NTN1: variants seen among roughly 807,000 people sequenced by gnomAD.
NTN1 encodes netrin-1.
NTN1 carries 11 observed loss-of-function variants against 54.2 expected under a neutral mutation model. The observed-to-expected ratio is 0.20, with a 90% confidence interval of 0.13 to 0.34. The LOEUF (loss-of-function observed/expected upper bound fraction) is 0.34, where lower values mean the gene tolerates loss of function less well. NTN1 is among the 10% of genes least tolerant of loss of function. NTN1 has a pLI of 1.00. For missense variants in NTN1, 740 were observed against 893.1 expected (o/e 0.83, Z 2.18); for synonymous variants, 371 against 382.0 (o/e 0.97, Z 0.33).
chr17:9,054,447 C>G (rs879851186), intron 2 of NTN1, among the ~76,000 whole-genome samples: 3 of 152,072 alleles, frequency 2.0e-5, no homozygotes, highest in Admixed American at 2.0e-4. Context: ...GAATGGAAGG[C>G]GGGGCAGCGA....
intron 2 of NTN1, among the ~76,000 whole-genome samples, chr17:9,115,057 C>T (rs529269940): frequency 5.4e-4 from 81 of 150,402 alleles, no homozygotes; most frequent in Non-Finnish European, 9.7e-4. Context: ...GATGCTGGGG[C>T]GCCAGGCCGG....
At chr17:9,195,998 C>A (rs952650065) in intron 5 of NTN1, among the ~76,000 whole-genome samples, 1 of 152,158 alleles carries the variant, frequency 6.6e-6, no homozygotes, top group Non-Finnish European at 1.5e-5. Flanking sequence ...CCAGTCTTCT[C>A]GGTGAAATGA....
At chr17:9,037,227 A>G (rs1199996463) in intron 2 of NTN1, among the ~76,000 whole-genome samples, 1 of 152,158 alleles carries the variant, frequency 6.6e-6, no homozygotes, top group Non-Finnish European at 1.5e-5. Context: ...TCTCTTCAAT[A>G]TCTGGTTTCT....
chr17:9,227,494 C>G (rs1015891822), intron 6 of NTN1, among the ~76,000 whole-genome samples: 1 of 148,200 alleles, frequency 6.7e-6, no homozygotes, highest in Non-Finnish European at 1.5e-5. Flanking sequence ...CACACACATG[C>G]ACATACACAC....
chr17:9,239,796 A>C lies in NTN1; in HGVS notation c.1643A>C (p.Lys548Thr), dbSNP rs1316054908. The C allele has an allele frequency of 6.2e-7, 1 of 1,613,772 alleles. No homozygotes were observed. The highest frequency in any genetic ancestry group is 8.5e-7 in the Non-Finnish European group (1 of 1,180,022). ...RSRDIACKCP[K>T]IKPLKKYLLL... ...CGGGACATCGCCTGCAAGTGTCCCA[A>C]AATCAAGCCCCTCAAGAAGTACCTG... Residue 548 changes from lysine (K) to threonine (T), a missense_variant, in exon 7 of 7, where the codon AAA (lysine) becomes ACA (threonine). Coordinates refer to ENST00000173229, the MANE Select transcript of NTN1 (RefSeq NM_004822.3). This position sits in a 1 kb window ranked among gnomAD's most constrained non-coding sequence, Gnocchi z 5.2.
intron 2 of NTN1, among the ~76,000 whole-genome samples, chr17:9,150,063 A>G (rs911828266): frequency 4.7e-4 from 72 of 152,262 alleles, no homozygotes; most frequent in African/African-American, 1.4e-3. Flanking sequence ...TTAGCTCAGC[A>G]TGGTGGCGGG....
intron 2 of NTN1, among the ~76,000 whole-genome samples, chr17:9,114,463 A>G (rs2142255439): frequency 6.6e-6 from 1 of 151,826 alleles, no homozygotes; most frequent in Non-Finnish European, 1.5e-5. Flanking sequence ...AAAAAAAGAT[A>G]AACATGGAGG....
At chr17:9,191,177 G>A (rs1349810127) in intron 5 of NTN1, among the ~76,000 whole-genome samples, 3 of 152,046 alleles carry the variant, frequency 2.0e-5, no homozygotes, top group Non-Finnish European at 2.9e-5. Context: ...AATAATAAGC[G>A]GAGCCGGGCG....
chr17:9,158,586 G>A, intron 2 of NTN1, among the ~76,000 whole-genome samples: 1 of 152,208 alleles, frequency 6.6e-6, no homozygotes, highest in East Asian at 1.9e-4. Flanking sequence ...CTTTTCCTCT[G>A]AGCCAGTGGA....
chr17:9,170,893 C>T (rs2092385585), intron 3 of NTN1, among the ~76,000 whole-genome samples: 1 of 141,894 alleles, frequency 7.0e-6, no homozygotes, highest in African/African-American at 2.6e-5. Flanking sequence ...CTCACACACA[C>T]ACACTGGGAA....
chr17:9,169,351 A>G (rs938678652), intron 3 of NTN1, among the ~76,000 whole-genome samples: 1 of 152,232 alleles, frequency 6.6e-6, no homozygotes, highest in Non-Finnish European at 1.5e-5. Context: ...TGGTAGAGCC[A>G]GGAAATTAGG....
chr17:9,126,756 A>C (rs1047651267), intron 2 of NTN1, among the ~76,000 whole-genome samples: 9 of 152,084 alleles, frequency 5.9e-5, no homozygotes, highest in Non-Finnish European at 1.0e-4. Flanking sequence ...AAGCACAGAT[A>C]GAGGGAACAA....
chr17:9,022,344 G>A lies in NTN1; in HGVS notation c.-30G>A. ...TGCGGCAGGCGGACAGATCCTCGGC[G>A]CGGCAGGGCCGGGGCAAGCTGGACG... On this transcript the variant is annotated 5_prime_UTR_variant, in exon 2 of 7. Coordinates refer to ENST00000173229, the MANE Select transcript of NTN1 (RefSeq NM_004822.3). The A allele has an allele frequency of 7.9e-7, 1 of 1,271,932 alleles. No individual in the cohort carries two copies. Among genetic ancestry groups the A allele is most frequent in the Non-Finnish European group, 9.9e-7 (1 of 1,014,528 alleles). The allele number at this position is 1,271,932 out of a possible 1,614,324, so 78.8% of individuals were successfully genotyped here.
At chr17:9,120,284 C>CAAA (rs35302549) in intron 2 of NTN1, among the ~76,000 whole-genome samples, 68 of 98,380 alleles carry the variant, frequency 6.9e-4, no homozygotes, top group Admixed American at 2.5e-3. Context: ...GACTCCGTCT[C>CAAA]AAAAAAAAAA....
In NTN1 at chr17:9,137,017, T is replaced by G. The variant is rs531160992; in HGVS notation, c.1019-25796T>G. Among the ~76,000 whole-genome samples, 135 of 152,270 alleles carry G rather than the reference T, an allele frequency of 8.9e-4. 4 individuals carry two copies. The South Asian group carries it at 0.017, about 20-fold the overall frequency. On this transcript the variant is annotated intron_variant, in intron 2 of 6. Transcript: ENST00000173229. ...TCCTCTCTCAGGATTCCTGGTGGTG[T>G]TCTCAATTTTTCCTATGCCATTTTC...
intron 4 of NTN1, 57 bp from the exon 5 acceptor site, chr17:9,182,859 A>C: frequency 6.4e-7 from 1 of 1,573,684 alleles, no homozygotes; most frequent in South Asian, 1.1e-5. Context: ...TCAAAAAATC[A>C]TGTCGTCTTA....
At position 9,135,103 on chromosome 17, in the gene NTN1, G is replaced by C. The variant is rs909218264; in HGVS notation, c.1019-27710G>C. ...GTGTCCCCATCCACACCGAGGGCCC[G>C]GTAAGGCACATTGTCCCCCAGCCCC... On this transcript the variant is annotated intron_variant, in intron 2 of 6. Transcript: ENST00000173229. The surrounding 1 kb of genome is among the most constrained non-coding windows in gnomAD (Gnocchi z 4.4). Among the ~76,000 whole-genome samples the C allele has an allele frequency of 6.6e-5, 10 of 152,022 alleles. No individual in the cohort carries two copies. The highest frequency in any genetic ancestry group is 1.9e-4 in the African/African-American group (8 of 41,362).
chr17:9,238,773 T>G (rs1313818606), intron 6 of NTN1, among the ~76,000 whole-genome samples: 1 of 152,230 alleles, frequency 6.6e-6, no homozygotes, highest in Non-Finnish European at 1.5e-5. Context: ...CCTTACTATC[T>G]TGCAGAAATG....
At chr17:9,081,742 G>A (rs2092071963) in intron 2 of NTN1, among the ~76,000 whole-genome samples, 1 of 152,212 alleles carries the variant, frequency 6.6e-6, no homozygotes, top group Admixed American at 6.5e-5. Context: ...GAGGCTGGGG[G>A]TCAGGGGTGG....
Sources: gnomAD v4.1 joint callset for allele counts (sites outside exome capture counted in the v4.1 genomes callset) on GRCh38, gnomAD v4.1.1 for gene constraint, Gnocchi (gnomAD v3.1) non-coding constraint, MANE v1.5 for transcripts, NCBI Gene and HGNC (gene_info 2026-07-23, HGNC 2026-07-21) for gene names.